The following GDA variants were observed in gnomAD, a reference collection of about 807,000 sequenced individuals.
GDA encodes cytoplasmic PSD-95 interactor.
GDA carries 18 observed loss-of-function variants against 59.6 expected under a neutral mutation model. That is an observed-to-expected ratio of 0.30 (90% CI 0.21 to 0.45). GDA has a LOEUF of 0.45. GDA is among the 20% of genes least tolerant of loss of function. GDA has a pLI of 1.00. For missense variants in GDA, 427 were observed against 552.3 expected (o/e 0.77, Z 2.27); for synonymous variants, 201 against 201.1 (o/e 1.00, Z 0.00).
At position 72,150,501 on chromosome 9, in the gene GDA, T is replaced by C. The variant is rs185888143; in HGVS notation, c.123+819T>C. On this transcript the variant is annotated intron_variant, in intron 1 of 13. Transcript: ENST00000358399. ...TTGATGTCTACTATTTACTGTTCCA[T>C]ACACACATATAGTGACTATATCAGC... Among the ~76,000 whole-genome samples the C allele has an allele frequency of 3.9e-5, 6 of 152,340 alleles. No individual in the cohort carries two copies. In the East Asian group the frequency reaches 1.2e-3, roughly 29 times the overall value.
Position 72,250,025 on chromosome 9 carries a change from A to G in GDA, c.*1683A>G, listed in dbSNP as rs367973169. The G allele has an allele frequency of 1.0e-3, 1,010 of 964,172 alleles. 28 individuals are homozygous for G. The South Asian group carries it at 0.042, about 40-fold the overall frequency. The allele number at this position is 964,172 out of a possible 1,614,324, so 59.7% of individuals were successfully genotyped here. A position where few individuals can be genotyped will look rare whatever the true frequency, so the allele number is the denominator to read the frequency against. On this transcript the variant is annotated 3_prime_UTR_variant, in exon 14 of 14. Coordinates refer to ENST00000358399, the MANE Select transcript of GDA (RefSeq NM_004293.5). ...TAAACAACAGAGTTTGTTTTGTGAGATAAGTATCTTAGTAAACCCAATTTC... is the reference window on the plus strand; with the variant it reads ...TAAACAACAGAGTTTGTTTTGTGAGGTAAGTATCTTAGTAAACCCAATTTC...
chr9:72,150,708 C>T (rs879693305), intron 1 of GDA, among the ~76,000 whole-genome samples: 4 of 152,154 alleles, frequency 2.6e-5, no homozygotes, highest in African/African-American at 2.4e-5. Flanking sequence ...GCTACCGAGT[C>T]GGTGACAGTT....
chr9:72,249,295 C>T lies in GDA; in HGVS notation c.*953C>T. 1.0e-6 allele frequency: 1 copy of T among 985,174 alleles called. No individual in the cohort carries two copies. The highest frequency in any genetic ancestry group is 1.2e-6 in the Non-Finnish European group (1 of 829,706). The allele number at this position is 985,174 out of a possible 1,614,324, so 61.0% of individuals were successfully genotyped here. A position where few individuals can be genotyped will look rare whatever the true frequency, so the allele number is the denominator to read the frequency against. On this transcript the variant is annotated 3_prime_UTR_variant, in exon 14 of 14. Transcript: ENST00000358399. The stretch of plus-strand genomic sequence containing the variant: ...CAGGTTCCATTGCCATGGCCTATTC[C>T]ACCCAAACAATATGTTGTAGTTTCT...
intron 1 of GDA, among the ~76,000 whole-genome samples, chr9:72,122,751 G>C (rs1825706651): frequency 6.6e-6 from 1 of 151,882 alleles, no homozygotes; most frequent in Admixed American, 6.6e-5. Flanking sequence ...TTTCACTGAT[G>C]ACAATGGAAT....
At chr9:72,259,308 C>T (rs557224627), downstream of GDA, among the ~76,000 whole-genome samples, 4 of 152,276 alleles carry the variant, frequency 2.6e-5, no homozygotes, top group South Asian at 6.2e-4. Flanking sequence ...CAGGCGTGAG[C>T]CACCGTGCCT....
At chr9:72,132,849 G>A (rs1393157754) in intron 1 of GDA, among the ~76,000 whole-genome samples, 1 of 152,072 alleles carries the variant, frequency 6.6e-6, no homozygotes, top group Non-Finnish European at 1.5e-5. Flanking sequence ...CCTTATGCTG[G>A]GCAGTTTGGA....
intron 1 of GDA, among the ~76,000 whole-genome samples, chr9:72,120,363 A>G (rs970682223): frequency 5.3e-5 from 8 of 152,036 alleles, no homozygotes; most frequent in Non-Finnish European, 1.0e-4. Flanking sequence ...TAATTTTTAA[A>G]AAATATTTTT....
intron 1 of GDA, among the ~76,000 whole-genome samples, chr9:72,152,448 G>A (rs914112759): frequency 4.6e-5 from 7 of 152,294 alleles, no homozygotes; most frequent in African/African-American, 1.4e-4. Flanking sequence ...GTAGCATGTA[G>A]CTTTTAAGAA....
intron 8 of GDA, 86 bp from the exon 9 acceptor site, chr9:72,227,857 G>T: frequency 1.4e-6 from 1 of 714,064 alleles, no homozygotes; most frequent in Non-Finnish European, 2.5e-6. Context: ...CTACAGCTTC[G>T]GTCTCTCTCT....
intron 1 of GDA, among the ~76,000 whole-genome samples, chr9:72,165,127 G>A (rs1162072040): frequency 6.6e-6 from 1 of 152,116 alleles, no homozygotes; most frequent in Non-Finnish European, 1.5e-5. Context: ...TCATATTCCT[G>A]TATTTGTATG....
intron 9 of GDA, among the ~76,000 whole-genome samples, chr9:72,229,661 G>A (rs1423476467): frequency 6.6e-6 from 1 of 152,182 alleles, no homozygotes; most frequent in African/African-American, 2.4e-5. Flanking sequence ...CCCCAAACAA[G>A]GGCAGAGCAG....
chr9:72,193,363 G>A (rs1832782301), intron 1 of GDA, among the ~76,000 whole-genome samples: 1 of 152,250 alleles, frequency 6.6e-6, no homozygotes, highest in Non-Finnish European at 1.5e-5. Context: ...TAATAGTGTG[G>A]TTCTTGCAGA....
chr9:72,176,374 C>T (rs1830542449), intron 1 of GDA, among the ~76,000 whole-genome samples: 1 of 152,186 alleles, frequency 6.6e-6, no homozygotes, highest in African/African-American at 2.4e-5. Flanking sequence ...TGCTTCATTC[C>T]AAGCAAGTCA....
At chr9:72,149,381 G>C, upstream of GDA, 2 of 597,826 alleles carry the variant, frequency 3.3e-6, no homozygotes, top group Non-Finnish European at 5.7e-6. Context: ...GAGGAGGTAG[G>C]GAGCCAGCCC....
chr9:72,149,335 G>T, upstream of GDA: 1 of 541,566 alleles, frequency 1.8e-6, no homozygotes, highest in Non-Finnish European at 3.2e-6. Context: ...ACGGGAGCGC[G>T]GAGCCAACTC....
At chr9:72,198,720 A>G (rs1337957923) in intron 2 of GDA, among the ~76,000 whole-genome samples, 5 of 151,884 alleles carry the variant, frequency 3.3e-5, no homozygotes, top group Non-Finnish European at 7.4e-5. Context: ...GATGATGGTG[A>G]TGATGGTTTG....
At chr9:72,147,026 T>G (rs566522276), upstream of GDA, among the ~76,000 whole-genome samples, 15 of 152,294 alleles carry the variant, frequency 9.8e-5, no homozygotes, top group Non-Finnish European at 2.2e-4. Context: ...TCATAATGAT[T>G]ATTCATCCTA....
At chr9:72,136,097 A>G (rs2130633370) in intron 1 of GDA, among the ~76,000 whole-genome samples, 1 of 152,320 alleles carries the variant, frequency 6.6e-6, no homozygotes, top group East Asian at 1.9e-4. Flanking sequence ...TAAATAAGAA[A>G]CTAGCTATAC....
chr9:72,245,036 A>ATT, intron 11 of GDA, 112 bp from the exon 12 acceptor site: 43 of 765,970 alleles, frequency 5.6e-5, no homozygotes, highest in South Asian at 7.7e-5. Context: ...TAAGATACTA[A>ATT]TTTTTTTTTT....
Sources: gnomAD v4.1 joint callset for allele counts (sites outside exome capture counted in the v4.1 genomes callset) on GRCh38, gnomAD v4.1.1 for gene constraint, MANE v1.5 for transcripts, NCBI Gene and HGNC (gene_info 2026-07-23, HGNC 2026-07-21) for gene names.